Variants in SGCD observed in about 807,000 individuals in gnomAD.
The protein encoded by SGCD is delta-sarcoglycan.
In SGCD, 18 loss-of-function variants were observed where a neutral mutation model predicts 36.6. The observed-to-expected ratio is 0.49, with a 90% confidence interval of 0.34 to 0.73. SGCD has a LOEUF of 0.73. SGCD is among the 30% of genes least tolerant of loss of function. The probability of loss-of-function intolerance (pLI) is 0.01; values close to 1 mark genes in which losing one functional copy is unlikely to be tolerated. For missense variants in SGCD, 387 were observed against 346.7 expected, an observed-to-expected ratio of 1.12 and a Z score of -0.92; for synonymous variants, 133 against 130.6, an observed-to-expected ratio of 1.02 and a Z score of -0.12.
chr5:156,385,794 G>A (rs974204480), intron 3 of SGCD, among the ~76,000 whole-genome samples: 9 of 152,204 alleles, frequency 5.9e-5, no homozygotes, highest in African/African-American at 9.7e-5. Flanking sequence ...TAGATGCATT[G>A]TTAAATATTA....
At chr5:156,526,315 G>A (rs187630295) in intron 4 of SGCD, among the ~76,000 whole-genome samples, 1 of 152,134 alleles carries the variant, frequency 6.6e-6, no homozygotes, top group African/African-American at 2.4e-5. Flanking sequence ...AGTCTGAATA[G>A]GTTCCATTGA....
chr5:156,430,935 A>G (rs1262206100), intron 3 of SGCD, among the ~76,000 whole-genome samples: 1 of 152,126 alleles, frequency 6.6e-6, no homozygotes, highest in African/African-American at 2.4e-5. Context: ...TATTTTATTG[A>G]CCAAACGATG....
At chr5:155,982,134 C>T (rs1350927072) in intron 1 of SGCD, among the ~76,000 whole-genome samples, 1 of 152,176 alleles carries the variant, frequency 6.6e-6, no homozygotes, top group Non-Finnish European at 1.5e-5. Context: ...TGTGTGTCTC[C>T]ATTGTGATAG....
At chr5:155,839,734 G>A in the SGCD span, among the ~76,000 whole-genome samples, 95 of 152,190 alleles carry the variant, frequency 6.2e-4, 1 homozygote, top group East Asian at 1.7e-3. Flanking sequence ...TAATTAGAGC[G>A]GAGTTGGGAG....
At chr5:155,942,876 A>G (rs527598588) in intron 1 of SGCD, among the ~76,000 whole-genome samples, 1 of 152,342 alleles carries the variant, frequency 6.6e-6, no homozygotes, top group South Asian at 2.1e-4. Flanking sequence ...AACAGGTGTT[A>G]TAATTATGTT....
chr5:155,805,013 C>T, the SGCD span, among the ~76,000 whole-genome samples: 1 of 152,018 alleles, frequency 6.6e-6, no homozygotes, highest in South Asian at 2.1e-4. Flanking sequence ...TGGAGTGTGG[C>T]TAATGCAATT....
intron 1 of SGCD, among the ~76,000 whole-genome samples, chr5:156,089,805 C>T (rs571686730): frequency 6.6e-6 from 1 of 152,258 alleles, no homozygotes; most frequent in African/African-American, 2.4e-5. Context: ...TGAGGTAAGT[C>T]CATATTAGGT....
At chr5:155,813,671 C>T in the SGCD span, among the ~76,000 whole-genome samples, 1 of 152,080 alleles carries the variant, frequency 6.6e-6, no homozygotes, top group Non-Finnish European at 1.5e-5. Flanking sequence ...AGAATATTTG[C>T]TTAGGATTTG....
chr5:156,434,339 TC>T (rs1472789860), intron 3 of SGCD, among the ~76,000 whole-genome samples: 1 of 152,144 alleles, frequency 6.6e-6, no homozygotes, highest in South Asian at 2.1e-4. Flanking sequence ...GAGGGATGGC[TC>T]CCCGCACAAG....
At chr5:156,106,275 A>T (rs2127597989) in intron 1 of SGCD, among the ~76,000 whole-genome samples, 1 of 152,260 alleles carries the variant, frequency 6.6e-6, no homozygotes, top group South Asian at 2.1e-4. Context: ...AAATTTGCAG[A>T]TTTGAAAAGA....
At chr5:155,840,611 C>T in the SGCD span, among the ~76,000 whole-genome samples, 4 of 131,664 alleles carry the variant, frequency 3.0e-5, no homozygotes, top group Non-Finnish European at 6.4e-5. Flanking sequence ...TGTGTGTGTG[C>T]ACTTCTTACT....
intron 3 of SGCD, among the ~76,000 whole-genome samples, chr5:156,287,627 T>TTGTG (rs70982002): frequency 0.034 from 5,048 of 146,328 alleles, 88 homozygotes; most frequent in East Asian, 0.061. Context: ...TTCCGTTTCT[T>TTGTG]TGTGTGTGTG....
At chr5:156,423,412 T>G (rs1427842036) in intron 3 of SGCD, among the ~76,000 whole-genome samples, 2 of 121,062 alleles carry the variant, frequency 1.7e-5, no homozygotes, top group Non-Finnish European at 3.2e-5. Flanking sequence ...TATAATATAA[T>G]ATATTATATT....
chr5:156,060,994 T>C lies in SGCD; in HGVS notation c.-281-56884T>C, dbSNP rs1760191271. Among the ~76,000 whole-genome samples the C allele has an allele frequency of 2.1e-5, 3 of 145,196 alleles. No homozygotes were observed. In the South Asian group the frequency reaches 6.5e-4, roughly 32 times the overall value. On this transcript the variant is annotated intron_variant, in intron 1 of 9. Coordinates refer to the SGCD transcript ENST00000517913. ...CAGCGGAATCCCTCTGTCTTTTCTCTGTGTCTGGACTCTCACAAAAATTGA... is the reference window on the plus strand; with the variant it reads ...CAGCGGAATCCCTCTGTCTTTTCTCCGTGTCTGGACTCTCACAAAAATTGA...
At position 156,055,192 on chromosome 5, in the gene SGCD, C is replaced by CT. The variant is rs1554114966; in HGVS notation, c.-281-62678dup. Reference sequence around the variant, plus strand: ...GAAGAATTCAGCCCTGAGGCTACTCCTTTTTTTTCTTTCTTTCTTTCTTTT... The same window carrying CT: ...GAAGAATTCAGCCCTGAGGCTACTCCTTTTTTTTTCTTTCTTTCTTTCTTTT... On this transcript the variant is annotated intron_variant, in intron 1 of 9. Transcript: ENST00000517913. 3.4e-5 allele frequency among the ~76,000 whole-genome samples: 5 copies of CT among 145,000 alleles called. 1 individual carries two copies. The highest frequency in any genetic ancestry group is 1.4e-4 in the Admixed American group (2 of 14,542).
intron 3 of SGCD, among the ~76,000 whole-genome samples, chr5:156,245,733 A>G (rs1765423653): frequency 6.6e-6 from 1 of 152,142 alleles, no homozygotes; most frequent in Non-Finnish European, 1.5e-5. Context: ...AAAGTCCAGA[A>G]TGGAGAAATT....
At chr5:156,216,877 G>A (rs572056497) in intron 3 of SGCD, among the ~76,000 whole-genome samples, 1 of 152,256 alleles carries the variant, frequency 6.6e-6, no homozygotes, top group Non-Finnish European at 1.5e-5. Context: ...TGAGGAGTTC[G>A]AGACCAGCCT....
intron 3 of SGCD, among the ~76,000 whole-genome samples, chr5:156,426,050 A>T (rs1773659362): frequency 6.6e-6 from 1 of 152,068 alleles, no homozygotes; most frequent in Admixed American, 6.6e-5. Flanking sequence ...TCATGTAATG[A>T]CTTATTTTCC....
intron 3 of SGCD, among the ~76,000 whole-genome samples, chr5:156,471,250 G>T (rs58243855): frequency 0.012 from 1,791 of 152,244 alleles, 39 homozygotes; most frequent in African/African-American, 0.041. Flanking sequence ...CATCTATAGT[G>T]TTAATGCCGT....
Sources: allele counts gnomAD v4.1 joint callset (sites outside exome capture counted in the v4.1 genomes callset), GRCh38; gene constraint gnomAD v4.1.1; transcripts MANE v1.5; gene names NCBI Gene and HGNC (gene_info 2026-07-23, HGNC 2026-07-21).